Variants in ATP8A2 observed in about 807,000 individuals in gnomAD.
The protein encoded by ATP8A2 is ATPase phospholipid transporting 8A2, also known as phospholipid-transporting ATPase IB.
In ATP8A2, 100 loss-of-function variants were observed where a neutral mutation model predicts 165.6. That is an observed-to-expected ratio of 0.60 (90% CI 0.51 to 0.71). The LOEUF is 0.71. ATP8A2 is among the 30% of genes least tolerant of loss of function. The pLI is 0.00. For missense variants in ATP8A2, 1,227 were observed against 1,479.5 expected (o/e 0.83, Z 2.80); for synonymous variants, 543 against 548.8 (o/e 0.99, Z 0.15).
intron 33 of ATP8A2, among the ~76,000 whole-genome samples, chr13:25,941,317 T>C (rs1225954300): frequency 2.0e-5 from 3 of 152,088 alleles, no homozygotes; most frequent in Non-Finnish European, 4.4e-5. Flanking sequence ...TTTGAAACGA[T>C]CCCATGGCTT....
intron 33 of ATP8A2, among the ~76,000 whole-genome samples, chr13:25,931,705 C>CA (rs1221877024): frequency 6.6e-6 from 1 of 152,070 alleles, no homozygotes; most frequent in African/African-American, 2.4e-5. Flanking sequence ...AGCCCGTGGC[C>CA]AACGTTGAAA....
intron 30 of ATP8A2, among the ~76,000 whole-genome samples, chr13:25,853,568 AAAATTCAAAAAGT>A (rs1952073971): frequency 6.6e-6 from 1 of 152,100 alleles, no homozygotes; most frequent in South Asian, 2.1e-4. Context: ...GTATTAGAAG[AAAATTCAAAAAGT>A]TGTCAAACCA....
At chr13:25,784,069 C>T (rs571790701) in intron 27 of ATP8A2, among the ~76,000 whole-genome samples, 1 of 152,304 alleles carries the variant, frequency 6.6e-6, no homozygotes, top group South Asian at 2.1e-4. Flanking sequence ...TAGACTCTTA[C>T]TGCCCTTTCC....
intron 24 of ATP8A2, among the ~76,000 whole-genome samples, chr13:25,672,452 G>A (rs1487798436): frequency 6.6e-6 from 1 of 151,880 alleles, no homozygotes; most frequent in African/African-American, 2.4e-5. Flanking sequence ...TCTTTGGGGT[G>A]GGAATGGAGG....
At chr13:25,702,755 C>T (rs1450632122) in intron 25 of ATP8A2, among the ~76,000 whole-genome samples, 1 of 152,300 alleles carries the variant, frequency 6.6e-6, no homozygotes, top group East Asian at 1.9e-4. Flanking sequence ...CTCCATCTGG[C>T]CACATGCAGC....
chr13:25,559,619 G>C, intron 14 of ATP8A2, 102 bp from the exon 15 acceptor site: 2 of 875,752 alleles, frequency 2.3e-6, no homozygotes, highest in East Asian at 2.5e-5. Flanking sequence ...CTGAGAATCT[G>C]TAAGTTTGTA....
At position 25,833,595 on chromosome 13, in the gene ATP8A2, G is replaced by A. The variant is rs543170286; in HGVS notation, c.2755-3568G>A. Among the ~76,000 whole-genome samples the A allele has an allele frequency of 5.3e-5, 8 of 152,240 alleles. No individual in the cohort carries two copies. In the South Asian group the frequency reaches 1.5e-3, roughly 28 times the overall value. ...TTAGCCTTAAAGGTGATCTTTCAAT[G>A]TAGTGGGGAAAGTTTGGCCTCATTA... On this transcript the variant is annotated intron_variant, in intron 28 of 36. Coordinates refer to ENST00000381655, the MANE Select transcript of ATP8A2 (RefSeq NM_016529.6).
intron 1 of ATP8A2, among the ~76,000 whole-genome samples, chr13:25,450,598 C>A (rs1335662959): frequency 1.3e-5 from 2 of 152,042 alleles, no homozygotes; most frequent in African/African-American, 4.8e-5. Flanking sequence ...GTGGTGTGAT[C>A]TCGGCTCACT....
In ATP8A2 at chr13:26,024,771, T is replaced by C. The variant is rs1034486457; in HGVS notation, c.*4786T>C. ...AAAACATGCTCTCAAGATTAGCCCA[T>C]AGGCAGTTCTTGTGACCTGGCTGAA... On this transcript the variant is annotated 3_prime_UTR_variant, in exon 37 of 37. Coordinates refer to ENST00000381655, the MANE Select transcript of ATP8A2 (RefSeq NM_016529.6). 1 of 152,204 alleles carries C rather than the reference T, an allele frequency of 6.6e-6. No homozygotes were observed. Among genetic ancestry groups the C allele is most frequent in the Non-Finnish European group, 1.5e-5 (1 of 68,048 alleles). 9.4% of individuals were successfully genotyped at this position (152,204 alleles called of 1,614,324 possible).
At position 25,702,352 on chromosome 13, in the gene ATP8A2, A is replaced by C. The variant is rs185184578; in HGVS notation, c.2384+3007A>C. On this transcript the variant is annotated intron_variant, in intron 25 of 36. Coordinates refer to ENST00000381655, the MANE Select transcript of ATP8A2 (RefSeq NM_016529.6). The stretch of plus-strand genomic sequence containing the variant: ...AAAGAAGGGAATGCAAGAATTTATT[A>C]AATATTTTGCTGAAATTAGAATCAA... Among the ~76,000 whole-genome samples, 5 of 152,234 alleles carry C rather than the reference A, an allele frequency of 3.3e-5. No individual in the cohort carries two copies. The East Asian group carries it at 9.6e-4, about 29-fold the overall frequency.
intron 25 of ATP8A2, among the ~76,000 whole-genome samples, chr13:25,740,321 A>AG (rs2043883050): frequency 6.6e-6 from 1 of 151,958 alleles, no homozygotes; most frequent in African/African-American, 2.4e-5. Flanking sequence ...AAAAAAAAAA[A>AG]AAAAAAAAGA....
At chr13:25,874,300 T>C (rs1352415105) in intron 33 of ATP8A2, among the ~76,000 whole-genome samples, 1 of 152,182 alleles carries the variant, frequency 6.6e-6, no homozygotes, top group East Asian at 1.9e-4. Context: ...CTCCTCTCAC[T>C]TCCTGACTGC....
intron 27 of ATP8A2, among the ~76,000 whole-genome samples, chr13:25,817,968 A>G (rs1279437135): frequency 1.3e-5 from 2 of 152,188 alleles, no homozygotes; most frequent in East Asian, 1.9e-4. Context: ...GGTAGGAGCC[A>G]CTGTACCCAG....
chr13:25,536,943 TG>T (rs2038304788), intron 6 of ATP8A2, among the ~76,000 whole-genome samples: 1 of 152,204 alleles, frequency 6.6e-6, no homozygotes, highest in Admixed American at 6.5e-5. Flanking sequence ...CATGACACGC[TG>T]GGGCGCTGGG....
intron 34 of ATP8A2, among the ~76,000 whole-genome samples, chr13:25,962,315 C>T (rs976876976): frequency 6.6e-6 from 1 of 152,114 alleles, no homozygotes; most frequent in African/African-American, 2.4e-5. Flanking sequence ...TTTTTCCAAA[C>T]AACTCATAGT....
Position 25,827,364 on chromosome 13 carries a change from G to T in ATP8A2, c.2680-754G>T, listed in dbSNP as rs139324932. 4.0e-3 allele frequency among the ~76,000 whole-genome samples: 606 copies of T among 152,218 alleles called. 6 individuals carry two copies. The highest frequency in any genetic ancestry group is 0.014 in the African/African-American group (576 of 41,516). On this transcript the variant is annotated intron_variant, in intron 27 of 36. Transcript: ENST00000381655. The stretch of plus-strand genomic sequence containing the variant: ...TGTCCTCAGGTGATCCGCCAACCTC[G>T]GCTTCCCAGAGTGCTGGGATTACAG...
intron 30 of ATP8A2, among the ~76,000 whole-genome samples, chr13:25,847,886 C>A (rs1334969414): frequency 6.6e-6 from 1 of 152,156 alleles, no homozygotes; most frequent in Non-Finnish European, 1.5e-5. Flanking sequence ...ATCAAACTCT[C>A]ACCCACTGAG....
At chr13:25,994,357 A>T (rs979791654) in intron 35 of ATP8A2, among the ~76,000 whole-genome samples, 1 of 151,872 alleles carries the variant, frequency 6.6e-6, no homozygotes. Flanking sequence ...TGGTCCCTGT[A>T]TTTTTTATTT....
chr13:25,697,868 T>C (rs984261622), intron 24 of ATP8A2, among the ~76,000 whole-genome samples: 1 of 152,226 alleles, frequency 6.6e-6, no homozygotes, highest in Non-Finnish European at 1.5e-5. Context: ...CTTTCTTAAA[T>C]AAATCTTTAT....
Sources: gnomAD v4.1 joint callset for allele counts (sites outside exome capture counted in the v4.1 genomes callset) on GRCh38, gnomAD v4.1.1 for gene constraint, MANE v1.5 for transcripts, NCBI Gene and HGNC (gene_info 2026-07-23, HGNC 2026-07-21) for gene names.